C4A: variants seen among roughly 807,000 people sequenced by gnomAD.
C4A encodes the protein complement C4A (Chido/Rodgers blood group).
C4A carries 12 observed loss-of-function variants against 45.7 expected under a neutral mutation model. That is an observed-to-expected ratio of 0.26 (90% CI 0.17 to 0.43). The LOEUF (loss-of-function observed/expected upper bound fraction) is 0.43, where lower values mean the gene tolerates loss of function less well. Ranked by LOEUF, C4A falls within the 20% of genes least tolerant of loss-of-function variation. The pLI is 1.00. For synonymous variants in C4A, 66 were observed against 230.7 expected (o/e 0.29, Z 6.47); for missense variants, 127 against 534.4 (o/e 0.24, Z 7.52).
chr6:31,995,544 TG>T lies in C4A; in HGVS notation c.3154+8del. On this transcript the variant is annotated splice_donor_region_variant and intron_variant, in intron 24 of 40. Transcript: ENST00000428956. The stretch of plus-strand genomic sequence containing the variant: ...CCGTGGATCTGATCCAGAAAGGTTC[TG>T]GGTGCAAGGGCAAGCAGGAGGGGGG... The T allele has an allele frequency of 1.6e-6, 1 of 633,202 alleles. No individual in the cohort carries two copies. The highest frequency in any genetic ancestry group is 2.9e-5 in the East Asian group (1 of 34,866). 39.2% of individuals were successfully genotyped at this position (633,202 alleles called of 1,614,324 possible).
chr6:31,994,873 C>CA, intron 21 of C4A, 79 bp from the exon 22 acceptor site: 1 of 945,298 alleles, frequency 1.1e-6, no homozygotes, highest in Non-Finnish European at 1.6e-6. Context: ...AGTTGAAACT[C>CA]AAAGTTCTGG....
chr6:31,996,454 C>A lies in C4A; in HGVS notation c.3530C>A (p.Ser1177Ter). 6.3e-7 allele frequency: 1 copy of A among 1,588,980 alleles called. No individual in the cohort carries two copies. The highest frequency in any genetic ancestry group is 2.2e-5 in the East Asian group (1 of 44,794). The change falls in exon 28 of 41, where the codon TCA becomes TAA. Residue 1177 changes from serine to a stop codon, truncating the protein, a stop_gained. Coordinates refer to ENST00000428956, the MANE Select transcript of C4A (RefSeq NM_007293.3). LOFTEE classifies it high-confidence loss of function. ...RVEASISKAN[S>*]FLGEKASAGL... is the part of the protein sequence containing the mutation. ...GAAGCCTCCATCTCAAAGGCAAACT[C>A]ATTTTTGGGGGAGAAAGCAAGTGCT...
chr6:31,996,356 C>G, intron 27 of C4A, 33 bp downstream of exon 27: 5 of 1,578,446 alleles, frequency 3.2e-6, no homozygotes, highest in Non-Finnish European at 4.3e-6. Context: ...CCTCTGCTGG[C>G]CCCCAGCTCT....
At chr6:31,994,923 AC>A (rs1348558717) in intron 21 of C4A, 28 bp from the exon 22 acceptor site, 1 of 592,044 alleles carries the variant, frequency 1.7e-6, no homozygotes, top group Non-Finnish European at 2.8e-6. Context: ...GTCCTGTGTG[AC>A]CTCACAACCA....
intron 30 of C4A, 37 bp from the exon 31 acceptor site, chr6:31,997,667 GC>G: frequency 1.0e-6 from 1 of 958,498 alleles, no homozygotes; most frequent in Non-Finnish European, 1.7e-6. Context: ...GTTTGCTTGT[GC>G]CCTTCTAACA....
At position 31,997,033 on chromosome 6, in the gene C4A, G is replaced by A; in HGVS notation, c.3881G>A (p.Ser1294Asn). The A allele has an allele frequency of 1.4e-6, 1 of 694,866 alleles. No individual in the cohort carries two copies. The highest frequency in any genetic ancestry group is 2.0e-6 in the Non-Finnish European group (1 of 490,998). The allele number at this position is 694,866 out of a possible 1,614,324, so 43.0% of individuals were successfully genotyped here. A position where few individuals can be genotyped will look rare whatever the true frequency, so the allele number is the denominator to read the frequency against. Residue 1294 changes from serine (S) to asparagine (N), a missense_variant, in exon 29 of 41, where the codon AGC becomes AAC. Physicochemically the swap from Ser to Asn is conservative, Grantham distance 46 (BLOSUM62 1). Transcript: ENST00000428956. The stretch of plus-strand genomic sequence containing the variant: ...TCGGCCTGGCTCACCCGTCAGGGCA[G>A]CTTCCAAGGGGGATTCCGCAGTACC... ...QASAWLTRQGSFQGGFRSTQD... is the reference protein window; with the variant it reads ...QASAWLTRQGNFQGGFRSTQD...
chr6:31,996,207 G>C lies in C4A; in HGVS notation c.3388G>C (p.Gly1130Arg). The C allele has an allele frequency of 6.3e-7, 1 of 1,577,162 alleles. No individual in the cohort carries two copies. Among genetic ancestry groups the C allele is most frequent in the Non-Finnish European group, 8.7e-7 (1 of 1,149,256 alleles). ...PCPVLDRSMQ[G>R]GLVGNDETVA... ...TTGACATCTTTTCTCCCCTTACTAG[G>C]GGGGTTTGGTGGGCAATGATGAGAC... The change falls in exon 27 of 41, where the codon GGG (glycine) becomes CGG (arginine). Residue 1130 changes from glycine to arginine, a missense_variant and splice_region_variant. Transcript: ENST00000428956.
In C4A at chr6:31,996,490, G is replaced by A; in HGVS notation, c.3566G>A (p.Gly1189Asp). The change falls in exon 28 of 41, where the codon GGT becomes GAT. Residue 1189 changes from glycine to aspartate, a missense_variant. By Grantham distance (94) the Gly-to-Asp change is moderately conservative. Coordinates refer to ENST00000428956, the MANE Select transcript of C4A (RefSeq NM_007293.3). The part of the protein sequence containing the change: ...LGEKASAGLL[G>D]AHAAAITAYA... ...GAGAAAGCAAGTGCTGGGCTCCTGG[G>A]TGCCCACGCAGCTGCCATCACGGCC... 1.3e-6 allele frequency: 2 copies of A among 1,588,776 alleles called. No individual in the cohort carries two copies. The highest frequency in any genetic ancestry group is 1.7e-6 in the Non-Finnish European group (2 of 1,158,354).
Position 31,997,774 on chromosome 6 carries a change from A to AG in C4A, c.4137+13dup. Reference sequence around the variant, plus strand: ...CAAAGGAACCCTGAAGGTGAGGGCCAGGGAAGGGGTGGGGCCAGGCACTGG... The same window carrying AG: ...CAAAGGAACCCTGAAGGTGAGGGCCAGGGGAAGGGGTGGGGCCAGGCACTGG... On this transcript the variant is annotated intron_variant, in intron 31 of 40. Coordinates refer to ENST00000428956, the MANE Select transcript of C4A (RefSeq NM_007293.3). 7.6e-7 allele frequency: 1 copy of AG among 1,315,656 alleles called. No individual in the cohort carries two copies. Among genetic ancestry groups the AG allele is most frequent in the Non-Finnish European group, 1.1e-6 (1 of 921,882 alleles). The allele number at this position is 1,315,656 out of a possible 1,614,324, so 81.5% of individuals were successfully genotyped here. A position where few individuals can be genotyped will look rare whatever the true frequency, so the allele number is the denominator to read the frequency against.
At chr6:31,997,084 G>C (rs1258521366) in intron 29 of C4A, 23 bp downstream of exon 29, 10 of 629,720 alleles carry the variant, frequency 1.6e-5, no homozygotes, top group African/African-American at 1.5e-4. Context: ...CCCGGGCTCT[G>C]GCGGGGGTGG....
intron 28 of C4A, 97 bp downstream of exon 28, chr6:31,996,697 G>T: frequency 1.3e-6 from 2 of 1,547,586 alleles, no homozygotes; most frequent in South Asian, 1.1e-5. Flanking sequence ...AAGACTCAGA[G>T]GAGGAATGAA....
chr6:31,996,309 T>C lies in C4A; in HGVS notation c.3490T>C (p.Leu1164=), dbSNP rs748541353. Residue 1164 remains leucine, a synonymous_variant, in exon 27 of 41, where the codon TTG becomes CTG. Coordinates refer to ENST00000428956, the MANE Select transcript of C4A (RefSeq NM_007293.3). ...AVFQDEGAEP[L]KQRVEASISK... is the part of the protein sequence containing the mutation. ...CTTCCAGGATGAGGGTGCAGAGCCA[T>C]TGAAGCAGAGAGTGGTAAGTTCAGT... 6 of 1,565,786 alleles carry C rather than the reference T, an allele frequency of 3.8e-6. No homozygotes were observed. The highest frequency in any genetic ancestry group is 5.3e-6 in the Non-Finnish European group (6 of 1,140,408).
chr6:31,996,372 T>G, intron 27 of C4A, 49 bp downstream of exon 27: 5 of 1,582,372 alleles, frequency 3.2e-6, no homozygotes, highest in Non-Finnish European at 4.3e-6. Context: ...GCTCTCTCCC[T>G]TTTTCCTCAG....
chr6:31,996,567 A>G lies in C4A; in HGVS notation c.3643A>G (p.Asn1215Asp), dbSNP rs1350287415. The G allele has an allele frequency of 1.3e-6, 2 of 1,588,732 alleles. No individual in the cohort carries two copies. The highest frequency in any genetic ancestry group is 1.4e-5 in the African/African-American group (1 of 73,258). ...APVDLLGVAH[N>D]NLMAMAQETG... ...TGTGGACCTGCTCGGTGTTGCCCAC[A>G]ACAACCTCATGGCAATGGCCCAGGA... is the stretch of plus-strand genomic sequence containing the variant. The change falls in exon 28 of 41, where the codon AAC (asparagine) becomes GAC (aspartate). Residue 1215 changes from asparagine to aspartate, a missense_variant. Physicochemically the swap from Asn to Asp is conservative, Grantham distance 23 (BLOSUM62 1). Coordinates refer to ENST00000428956, the MANE Select transcript of C4A (RefSeq NM_007293.3).
chr6:31,995,590 G>A, intron 24 of C4A, 51 bp downstream of exon 24: 1 of 892,566 alleles, frequency 1.1e-6, no homozygotes, highest in South Asian at 1.4e-5. Flanking sequence ...GACAGTTACT[G>A]GAAGATGGAC....
chr6:31,996,787 T>C, intron 28 of C4A, 42 bp from the exon 29 acceptor site: 1 of 1,051,652 alleles, frequency 9.5e-7, no homozygotes, highest in Middle Eastern at 3.0e-4. Flanking sequence ...CAGGCTCTTC[T>C]CCCTGCCTTC....
chr6:31,994,889 T>TCTGCG (rs1774379968), intron 21 of C4A, 63 bp from the exon 22 acceptor site: 2 of 814,152 alleles, frequency 2.5e-6, no homozygotes, highest in Non-Finnish European at 3.8e-6. Context: ...TCTGGGGGAG[T>TCTGCG]CTGCGCTAGC....
Position 31,996,084 on chromosome 6 carries a change from C to A in C4A, c.3360C>A (p.Pro1120=). 1 of 1,587,694 alleles carries A rather than the reference C, an allele frequency of 6.3e-7. No individual in the cohort carries two copies. Among genetic ancestry groups the A allele is most frequent in the African/African-American group, 1.3e-5 (1 of 74,358 alleles). The part of the protein sequence containing the change: ...QQQADGSFQD[P]CPVLDRSMQG... The stretch of plus-strand genomic sequence containing the variant: ...AGGCTGACGGCTCGTTCCAGGACCC[C>A]TGTCCAGTGTTAGACAGGAGCATGC... The change falls in exon 26 of 41, where the codon CCC becomes CCA. Residue 1120 remains proline, a synonymous_variant. Coordinates refer to ENST00000428956, the MANE Select transcript of C4A (RefSeq NM_007293.3).
Position 31,995,977 on chromosome 6 carries a change from G to T in C4A, c.3253G>T (p.Val1085Phe), listed in dbSNP as rs1162378983. Residue 1085 changes from valine (V) to phenylalanine (F), a missense_variant, in exon 26 of 41, where the codon GTC becomes TTC. Transcript: ENST00000428956. ...CAGGCTCACAGCCTTTGTGTTGAAGGTCCTGAGTTTGGCCCAGGAGCAGGT... is the reference window on the plus strand; with the variant it reads ...CAGGCTCACAGCCTTTGTGTTGAAGTTCCTGAGTTTGGCCCAGGAGCAGGT... ...STWLTAFVLKVLSLAQEQVGG... is the reference protein window; with the variant it reads ...STWLTAFVLKFLSLAQEQVGG... 1 of 1,576,028 alleles carries T rather than the reference G, an allele frequency of 6.3e-7. No homozygotes were observed. Among genetic ancestry groups the T allele is most frequent in the Non-Finnish European group, 8.7e-7 (1 of 1,150,458 alleles).
Sources: gnomAD v4.1 joint callset for allele counts on GRCh38, gnomAD v4.1.1 for gene constraint, MANE v1.5 for transcripts, NCBI Gene and HGNC (gene_info 2026-07-23, HGNC 2026-07-21) for gene names.